The following IMPA1 variants were observed in gnomAD, a reference collection of about 807,000 sequenced individuals.
IMPA1 encodes the protein D-galactose 1-phosphate phosphatase.
In IMPA1, 21 loss-of-function variants were observed where a neutral mutation model predicts 34.9. The observed-to-expected ratio is 0.60, with a 90% CI of 0.43 to 0.87. The LOEUF (loss-of-function observed/expected upper bound fraction) is 0.87. Among genes scored for constraint, IMPA1 ranks in the 40% least tolerant of loss-of-function variants. IMPA1 has a pLI of 0.00. For synonymous variants in IMPA1, 95 were observed against 104.4 expected (o/e 0.91, Z 0.55); for missense variants, 299 against 336.4 (o/e 0.89, Z 0.87).
At chr8:81,677,800 C>T (rs1358353634) in intron 4 of IMPA1, among the ~76,000 whole-genome samples, 1 of 152,072 alleles carries the variant, frequency 6.6e-6, no homozygotes, top group Non-Finnish European at 1.5e-5. Context: ...AGATTCTAAA[C>T]CTTAGCTTTG....
chr8:81,679,682 A>C (rs1807236196), intron 3 of IMPA1, among the ~76,000 whole-genome samples: 1 of 151,992 alleles, frequency 6.6e-6, no homozygotes, highest in African/African-American at 2.4e-5. Context: ...TTCTTCCTTC[A>C]GGTAAAGACT....
chr8:81,685,400 G>T (rs1445189655), intron 1 of IMPA1, among the ~76,000 whole-genome samples: 1 of 138,228 alleles, frequency 7.2e-6, no homozygotes, highest in African/African-American at 2.6e-5. Context: ...ATATACCTAA[G>T]TATATTTAGG....
chr8:81,669,312 A>C (rs1806923048), intron 7 of IMPA1, among the ~76,000 whole-genome samples: 1 of 152,172 alleles, frequency 6.6e-6, no homozygotes, highest in Non-Finnish European at 1.5e-5. Flanking sequence ...CATGCAAGGT[A>C]CACCTTGGAA....
At chr8:81,659,528 A>G (rs1806603718) in intron 8 of IMPA1, 62 bp from the exon 9 acceptor site, 4 of 923,988 alleles carry the variant, frequency 4.3e-6, no homozygotes, top group Middle Eastern at 5.0e-4. Flanking sequence ...ATATAAAACA[A>G]GTATAGCAAT....
At chr8:81,660,861 C>T (rs73283074) in intron 7 of IMPA1, among the ~76,000 whole-genome samples, 194 bp from the exon 8 acceptor site, 1,618 of 152,100 alleles carry the variant, frequency 0.011, 23 homozygotes, top group African/African-American at 0.036. Flanking sequence ...ATATAAATCA[C>T]AAAACCCTCA....
At chr8:81,668,205 T>G (rs369801335) in intron 7 of IMPA1, among the ~76,000 whole-genome samples, 11 of 152,112 alleles carry the variant, frequency 7.2e-5, no homozygotes, top group Non-Finnish European at 1.2e-4. Flanking sequence ...AAACAAATTA[T>G]AGAAGTAGCT....
intron 3 of IMPA1, 76 bp from the exon 4 acceptor site, chr8:81,679,306 T>C (rs1807222870): frequency 1.0e-6 from 1 of 963,830 alleles, no homozygotes; most frequent in Non-Finnish European, 1.7e-6. Context: ...TTTCCTTAGC[T>C]ACACAGAGTA....
intron 1 of IMPA1, among the ~76,000 whole-genome samples, chr8:81,685,433 C>G (rs1325169115): frequency 7.2e-6 from 1 of 138,266 alleles, no homozygotes; most frequent in Admixed American, 7.5e-5. Flanking sequence ...GTATGTATAC[C>G]TAAGTATATT....
At chr8:81,672,321 T>A (rs1161133331) in intron 6 of IMPA1, among the ~76,000 whole-genome samples, 1 of 152,210 alleles carries the variant, frequency 6.6e-6, no homozygotes, top group Non-Finnish European at 1.5e-5. Flanking sequence ...ATCTGCAGAA[T>A]GCCAGTACCT....
intron 4 of IMPA1, 57 bp downstream of exon 4, chr8:81,679,069 A>T: frequency 9.2e-7 from 1 of 1,092,730 alleles, no homozygotes. Context: ...TAGAGTATCT[A>T]TAGGTCAATC....
chr8:81,671,768 G>A (rs1404216894), intron 6 of IMPA1, among the ~76,000 whole-genome samples: 3 of 151,924 alleles, frequency 2.0e-5, no homozygotes, highest in South Asian at 2.1e-4. Context: ...ATGGTGGTGC[G>A]CACCTGTAAT....
intron 7 of IMPA1, among the ~76,000 whole-genome samples, chr8:81,668,542 A>AACCAC (rs1426855971): frequency 6.6e-6 from 1 of 152,196 alleles, no homozygotes; most frequent in Non-Finnish European, 1.5e-5. Flanking sequence ...GCACTGAGCT[A>AACCAC]TAATTGCACC....
chr8:81,665,663 T>C (rs973819630), intron 7 of IMPA1, among the ~76,000 whole-genome samples: 10 of 152,090 alleles, frequency 6.6e-5, no homozygotes, highest in Admixed American at 3.3e-4. Context: ...AATTCTAAGA[T>C]ATATCCTTTA....
rs1806539699 is a variant in IMPA1 at position 81,657,095 on chromosome 8, T to C, written c.*2256A>G. ...TTTCAAATATTATTAGATAATTCAC[T>C]TGTCGATCATCCTTTTTCAGCATCT... On this transcript the variant is annotated 3_prime_UTR_variant, in exon 9 of 9. Transcript: ENST00000256108. Among the ~76,000 whole-genome samples, 1 of 152,214 alleles carries C rather than the reference T, an allele frequency of 6.6e-6. No individual in the cohort carries two copies. The highest frequency in any genetic ancestry group is 1.5e-5 in the Non-Finnish European group (1 of 68,026).
chr8:81,685,977 G>C (rs1352752225), intron 1 of IMPA1: 2 of 1,470,872 alleles, frequency 1.4e-6, no homozygotes, highest in African/African-American at 2.9e-5. Flanking sequence ...TTCGGAGTTG[G>C]GGACATAAAA....
intron 1 of IMPA1, among the ~76,000 whole-genome samples, chr8:81,685,353 A>T (rs1807479978): frequency 7.3e-6 from 1 of 137,526 alleles, no homozygotes; most frequent in South Asian, 2.3e-4. Flanking sequence ...ATATGTAAGT[A>T]TATATGTAAG....
intron 7 of IMPA1, among the ~76,000 whole-genome samples, chr8:81,670,606 T>C (rs1017317079): frequency 2.0e-5 from 3 of 152,148 alleles, no homozygotes; most frequent in Non-Finnish European, 4.4e-5. Context: ...AGGAAGTAAT[T>C]TCATAGGCTG....
intron 7 of IMPA1, among the ~76,000 whole-genome samples, chr8:81,669,339 C>T (rs73283079): frequency 0.039 from 5,964 of 152,274 alleles, 394 homozygotes; most frequent in African/African-American, 0.14. Flanking sequence ...AGGCACTGGA[C>T]TCCAACCCAT....
intron 1 of IMPA1, among the ~76,000 whole-genome samples, chr8:81,682,461 T>C (rs1190637339): frequency 6.6e-6 from 1 of 152,164 alleles, no homozygotes; most frequent in Non-Finnish European, 1.5e-5. Flanking sequence ...GGGGCCCACA[T>C]TATAGGAAAG....
Sources: gnomAD v4.1 joint callset for allele counts (sites outside exome capture counted in the v4.1 genomes callset) on GRCh38, gnomAD v4.1.1 for gene constraint, MANE v1.5 for transcripts, NCBI Gene and HGNC (gene_info 2026-07-23, HGNC 2026-07-21) for gene names.